Variants in DIP2C observed in about 807,000 individuals in gnomAD.
The protein encoded by DIP2C is DIP2 acetate--CoA ligase C (putative).
A neutral mutation model predicts 192.4 loss-of-function variants in DIP2C; 33 were observed. The observed-to-expected ratio is 0.17, with a 90% CI of 0.13 to 0.23. The LOEUF (loss-of-function observed/expected upper bound fraction) is 0.23, where lower values mean the gene tolerates loss of function less well. Among genes scored for constraint, DIP2C ranks in the 10% least tolerant of loss-of-function variants. The pLI, the probability that DIP2C is intolerant of heterozygous loss-of-function variation, is 1.00. For synonymous variants in DIP2C, 979 were observed against 864.1 expected (o/e 1.13, Z -2.33); for missense variants, 1,537 against 2,110.1 (o/e 0.73, Z 5.32).
At chr10:489,134 C>T (rs1343430281) in intron 1 of DIP2C, among the ~76,000 whole-genome samples, 1 of 152,212 alleles carries the variant, frequency 6.6e-6, no homozygotes, top group African/African-American at 2.4e-5. Flanking sequence ...ACCAGGCTCA[C>T]TCAGGCCCCA....
chr10:452,135 C>G (rs1343364970), intron 3 of DIP2C, among the ~76,000 whole-genome samples: 2 of 152,148 alleles, frequency 1.3e-5, no homozygotes, highest in African/African-American at 4.8e-5. Flanking sequence ...AGACTGTGGA[C>G]TGCACAGCAG....
At chr10:398,469 A>G (rs1964161672) in intron 10 of DIP2C, among the ~76,000 whole-genome samples, 1 of 152,204 alleles carries the variant, frequency 6.6e-6, no homozygotes, top group African/African-American at 2.4e-5. Flanking sequence ...TCTTACATGT[A>G]TTGCCTAATG....
intron 22 of DIP2C, among the ~76,000 whole-genome samples, chr10:359,840 C>T (rs1011058120): frequency 6.6e-6 from 1 of 152,144 alleles, no homozygotes; most frequent in Non-Finnish European, 1.5e-5. Context: ...AGGCTGGTCT[C>T]GAAGTCCTGG....
At chr10:449,518 G>C (rs562544527) in intron 3 of DIP2C, among the ~76,000 whole-genome samples, 2 of 151,672 alleles carry the variant, frequency 1.3e-5, no homozygotes, top group South Asian at 4.2e-4. Flanking sequence ...GTATCTTAAA[G>C]AGAAAAGTGG....
At chr10:377,920 T>C (rs1355144375) in intron 17 of DIP2C, among the ~76,000 whole-genome samples, 1 of 152,204 alleles carries the variant, frequency 6.6e-6, no homozygotes, top group African/African-American at 2.4e-5. Flanking sequence ...TACTTTGTAG[T>C]TACAAAGCTA....
chr10:298,705 T>G (rs922910297), intron 32 of DIP2C, among the ~76,000 whole-genome samples: 1 of 152,222 alleles, frequency 6.6e-6, no homozygotes, highest in African/African-American at 2.4e-5. Flanking sequence ...AGCTGATCCA[T>G]CTGCACAGAA....
chr10:524,313 C>T (rs1846918813), intron 1 of DIP2C, among the ~76,000 whole-genome samples: 1 of 152,184 alleles, frequency 6.6e-6, no homozygotes, highest in South Asian at 2.1e-4. Context: ...GCACACTTCA[C>T]AGGGTCCCTG....
At chr10:555,256 T>A (rs1220855407) in intron 1 of DIP2C, among the ~76,000 whole-genome samples, 2 of 151,952 alleles carry the variant, frequency 1.3e-5, no homozygotes, top group Admixed American at 1.3e-4. Flanking sequence ...GTTCACGGGC[T>A]CTTCTGGGCT....
intron 1 of DIP2C, among the ~76,000 whole-genome samples, chr10:579,338 G>A (rs930766765): frequency 4.6e-5 from 7 of 151,986 alleles, no homozygotes; most frequent in African/African-American, 1.7e-4. Context: ...TACATGCATA[G>A]TGTACACACA....
At chr10:543,653 T>C (rs1848123396) in intron 1 of DIP2C, among the ~76,000 whole-genome samples, 1 of 152,240 alleles carries the variant, frequency 6.6e-6, no homozygotes, top group Non-Finnish European at 1.5e-5. Context: ...AGTTTAACTC[T>C]CTGGGGACAT....
intron 3 of DIP2C, among the ~76,000 whole-genome samples, chr10:462,810 G>A (rs947653632): frequency 7.3e-5 from 11 of 150,272 alleles, no homozygotes; most frequent in East Asian, 1.9e-4. Context: ...GCAGAAAGCC[G>A]ATCCACCATG....
At chr10:548,403 C>T (rs887303662) in intron 1 of DIP2C, among the ~76,000 whole-genome samples, 6 of 134,104 alleles carry the variant, frequency 4.5e-5, no homozygotes, top group South Asian at 5.7e-4. Flanking sequence ...AACAGCCCCT[C>T]GGGAGGGCAG....
intron 1 of DIP2C, among the ~76,000 whole-genome samples, chr10:548,660 G>A (rs183410822): frequency 8.6e-5 from 13 of 151,582 alleles, no homozygotes; most frequent in African/African-American, 3.1e-4. Context: ...GAGGTGATGT[G>A]GCCGGGGGAG....
intron 8 of DIP2C, among the ~76,000 whole-genome samples, chr10:411,075 TGAGA>T (rs1422399754): frequency 1.3e-5 from 2 of 152,056 alleles, no homozygotes; most frequent in Non-Finnish European, 2.9e-5. Context: ...GGCGGGAGCT[TGAGA>T]GAGACACCAT....
At chr10:510,457 T>C (rs530236863) in intron 1 of DIP2C, among the ~76,000 whole-genome samples, 1 of 152,322 alleles carries the variant, frequency 6.6e-6, no homozygotes, top group East Asian at 1.9e-4. Flanking sequence ...CTGCCGTATG[T>C]GGACCAGCAA....
chr10:568,325 C>T (rs369678286), intron 1 of DIP2C, among the ~76,000 whole-genome samples: 1 of 152,160 alleles, frequency 6.6e-6, no homozygotes, highest in Non-Finnish European at 1.5e-5. Flanking sequence ...CCGACTCATG[C>T]GTGAAATCAG....
At chr10:358,400 G>A (rs912782063) in intron 22 of DIP2C, among the ~76,000 whole-genome samples, 4 of 149,944 alleles carry the variant, frequency 2.7e-5, no homozygotes, top group African/African-American at 4.9e-5. Context: ...TACAGATGTC[G>A]TGGGGTGGAG....
At chr10:420,374 C>T (rs994196150) in intron 5 of DIP2C, among the ~76,000 whole-genome samples, 4 of 152,182 alleles carry the variant, frequency 2.6e-5, no homozygotes, top group Non-Finnish European at 5.9e-5. Context: ...CAAGTAGATT[C>T]GGCAATGCCG....
At chr10:663,927 G>A (rs1247351605) in intron 1 of DIP2C, 1 of 152,010 alleles carries the variant, frequency 6.6e-6, no homozygotes, top group East Asian at 1.9e-4. Context: ...GGCTCCGGGA[G>A]GCCACACCAG....
Sources: allele counts gnomAD v4.1 joint callset (sites outside exome capture counted in the v4.1 genomes callset), GRCh38; gene constraint gnomAD v4.1.1; transcripts MANE v1.5; gene names NCBI Gene and HGNC (gene_info 2026-07-23, HGNC 2026-07-21).